The following TGFBR3 variants were observed in gnomAD, a reference collection of about 807,000 sequenced individuals.
TGFBR3 encodes the protein transforming growth factor beta receptor type 3.
A neutral mutation model predicts 87.9 loss-of-function variants in TGFBR3; 46 were observed. The observed-to-expected ratio is 0.52, with a 90% CI of 0.41 to 0.67. TGFBR3 has a LOEUF of 0.67. TGFBR3 is among the 30% of genes least tolerant of loss of function. The pLI is 0.00. For missense variants in TGFBR3, 866 were observed against 1,041.9 expected (o/e 0.83, Z 2.32); for synonymous variants, 381 against 391.6 (o/e 0.97, Z 0.32).
chr1:91,769,645 G>T (rs1295060586), intron 3 of TGFBR3, among the ~76,000 whole-genome samples: 3 of 144,604 alleles, frequency 2.1e-5, no homozygotes, highest in Admixed American at 2.1e-4. Flanking sequence ...TGTTTTTTTT[G>T]TTTTTTTTTT....
chr1:91,815,511 C>A (rs2101048212), intron 2 of TGFBR3, among the ~76,000 whole-genome samples: 1 of 152,158 alleles, frequency 6.6e-6, no homozygotes, highest in Admixed American at 6.5e-5. Flanking sequence ...TCACTACCCA[C>A]TTTACGTTAC....
chr1:91,682,518 T>C lies in TGFBR3; in HGVS notation c.*1221A>G. The C allele has an allele frequency of 2.2e-6, 1 of 453,520 alleles. No homozygotes were observed. The highest frequency in any genetic ancestry group is 1.6e-5 in the South Asian group (1 of 64,424). 28.1% of individuals were successfully genotyped at this position (453,520 alleles called of 1,614,324 possible). On this transcript the variant is annotated 3_prime_UTR_variant, in exon 17 of 17. Coordinates refer to ENST00000212355, the MANE Select transcript of TGFBR3 (RefSeq NM_003243.5). Reference sequence around the variant, plus strand: ...TCACCTCAAGCCCTTTTTGACATATTAAATATATGGGATATATTTAAGGCA... The same window carrying C: ...TCACCTCAAGCCCTTTTTGACATATCAAATATATGGGATATATTTAAGGCA...
Position 91,734,851 on chromosome 1 carries a change from G to C in TGFBR3, c.493C>G (p.Arg165Gly), listed in dbSNP as rs1364305059. The C allele has an allele frequency of 6.2e-7, 1 of 1,613,904 alleles. No homozygotes were observed. The highest frequency in any genetic ancestry group is 1.1e-5 in the South Asian group (1 of 91,080). Reference sequence around the variant, plus strand: ...GAAGTAACTGCTCCATACTCTTTTCGGGCCCAATTTAACAGATGTTCATTT... The same window carrying C: ...GAAGTAACTGCTCCATACTCTTTTCCGGCCCAATTTAACAGATGTTCATTT... ...HGNEHLLNWA[R>G]KEYGAVTSFT... is the part of the protein sequence containing the mutation. The change falls in exon 5 of 17, where the codon CGA becomes GGA. Residue 165 changes from arginine to glycine, a missense_variant. Arg to Gly is a moderately radical substitution (Grantham distance 125, BLOSUM62 -2). Transcript: ENST00000212355.
chr1:91,850,080 C>CAAAA (rs376631972), intron 2 of TGFBR3, among the ~76,000 whole-genome samples: 280 of 49,942 alleles, frequency 5.6e-3, no homozygotes, highest in Non-Finnish European at 8.2e-3. Context: ...GACTCCATCT[C>CAAAA]AAAAAAAAAA....
In TGFBR3 at chr1:91,699,657, GA is replaced by G. The variant is rs17878958; in HGVS notation, c.2288-1528del. ...TTGCACCAGTGCCATGAAGAAGGCA[GA>G]AAAAAATTTTGTATCACTGTTTTGG... On this transcript the variant is annotated intron_variant, in intron 14 of 16. Coordinates refer to ENST00000212355, the MANE Select transcript of TGFBR3 (RefSeq NM_003243.5). Among the ~76,000 whole-genome samples the G allele has an allele frequency of 3.7e-3, 557 of 152,218 alleles. 8 individuals carry two copies. The highest frequency in any genetic ancestry group is 0.02 in the Admixed American group (310 of 15,292).
chr1:91,695,072 G>A (rs1557661014), intron 16 of TGFBR3, among the ~76,000 whole-genome samples: 2 of 151,830 alleles, frequency 1.3e-5, no homozygotes, highest in South Asian at 2.1e-4. Flanking sequence ...TGAAGATTGA[G>A]GGATAATAGC....
chr1:91,759,377 C>T (rs1673871348), intron 3 of TGFBR3, among the ~76,000 whole-genome samples: 1 of 134,702 alleles, frequency 7.4e-6, no homozygotes, highest in African/African-American at 2.8e-5. Flanking sequence ...TGTATACAGC[C>T]CCTGTCAAAA....
At chr1:91,798,515 CA>C (rs1374739504) in intron 2 of TGFBR3, among the ~76,000 whole-genome samples, 1 of 152,140 alleles carries the variant, frequency 6.6e-6, no homozygotes, top group Non-Finnish European at 1.5e-5. Flanking sequence ...TTCCTTTACC[CA>C]AATTCCTCTT....
At chr1:91,701,333 C>T (rs1424269607) in intron 14 of TGFBR3, among the ~76,000 whole-genome samples, 3 of 151,988 alleles carry the variant, frequency 2.0e-5, no homozygotes, top group African/African-American at 4.8e-5. Context: ...TCCCGAATCC[C>T]TAAGAACCCC....
rs971803589 is a variant in TGFBR3, at chr1:91,787,917, G to A, written c.246+9370C>T. Among the ~76,000 whole-genome samples the A allele has an allele frequency of 5.4e-5, 8 of 147,704 alleles. No individual in the cohort carries two copies. The South Asian group carries it at 8.4e-4, about 16-fold the overall frequency. On this transcript the variant is annotated intron_variant, in intron 3 of 16. Transcript: ENST00000212355. ...CGCACCACTATACTCCAGCCTGGGC[G>A]ACAGAGCCAGACCCTGTCTCACGGG...
At chr1:91,897,889 A>G (rs1679584101) in intron 2 of TGFBR3, among the ~76,000 whole-genome samples, 1 of 152,112 alleles carries the variant, frequency 6.6e-6, no homozygotes, top group African/African-American at 2.4e-5. Context: ...TCTTTCCTAT[A>G]AGAAATAAAA....
In TGFBR3 at chr1:91,794,045, G is replaced by C. The variant is rs930460845; in HGVS notation, c.246+3242C>G. On this transcript the variant is annotated intron_variant, in intron 3 of 16. Coordinates refer to ENST00000212355, the MANE Select transcript of TGFBR3 (RefSeq NM_003243.5). The stretch of plus-strand genomic sequence containing the variant: ...CAACGTAAACTTTATAGACTAATTA[G>C]CATGTCAGCAGGTCAAACGGTTTTT... 2.6e-5 allele frequency among the ~76,000 whole-genome samples: 4 copies of C among 152,268 alleles called. No individual in the cohort carries two copies. In the East Asian group the frequency reaches 7.7e-4, roughly 29 times the overall value.
chr1:91,707,242 T>A (rs1671828703), intron 14 of TGFBR3, among the ~76,000 whole-genome samples: 2 of 152,176 alleles, frequency 1.3e-5, no homozygotes, highest in South Asian at 4.1e-4. Context: ...AAGCAGTGCC[T>A]TAGGCTCCCA....
chr1:91,853,756 G>A (rs1410107398), intron 2 of TGFBR3, among the ~76,000 whole-genome samples: 9 of 152,218 alleles, frequency 5.9e-5, no homozygotes, highest in Admixed American at 2.6e-4. Context: ...GCTCAGGCCT[G>A]TAATCCCAGA....
chr1:91,685,315 CT>C lies in TGFBR3; in HGVS notation c.2438-1459del, dbSNP rs71585124. ...TTCCTGAGAAGCGGAGAAGCACTGC[CT>C]TTTTTTTTTTTTTTTTTTTTTTGTG... On this transcript the variant is annotated intron_variant, in intron 16 of 16. Coordinates refer to ENST00000212355, the MANE Select transcript of TGFBR3 (RefSeq NM_003243.5). Among the ~76,000 whole-genome samples the C allele has an allele frequency of 2.3e-3, 229 of 100,670 alleles. 2 individuals are homozygous for C. The highest frequency in any genetic ancestry group is 6.3e-3 in the African/African-American group (154 of 24,358). The allele number at this position is 100,670 out of a possible 152,430, so 66.0% of individuals were successfully genotyped here.
At chr1:91,752,615 G>A (rs546767338) in intron 4 of TGFBR3, among the ~76,000 whole-genome samples, 3 of 152,200 alleles carry the variant, frequency 2.0e-5, no homozygotes, top group African/African-American at 7.2e-5. Flanking sequence ...GTTATTAAAA[G>A]CCAGGCACTA....
chr1:91,860,571 T>A (rs1388899087), intron 2 of TGFBR3, among the ~76,000 whole-genome samples: 1 of 152,132 alleles, frequency 6.6e-6, no homozygotes, highest in Non-Finnish European at 1.5e-5. Context: ...GATCCGATAC[T>A]CTTAGTTAAG....
intron 2 of TGFBR3, among the ~76,000 whole-genome samples, chr1:91,819,481 A>C (rs1445368432): frequency 6.6e-6 from 1 of 152,164 alleles, no homozygotes; most frequent in Non-Finnish European, 1.5e-5. Flanking sequence ...CCCACATAGA[A>C]ATTACAACTC....
rs148692081 is a variant in TGFBR3, at chr1:91,686,061, G to T, written c.2438-2204C>A. ...TTTTTGGCTCACCTGGGCTTTGTTT[G>T]CTCAGCCCAACAGCAGGTAAAAGAG... On this transcript the variant is annotated intron_variant, in intron 16 of 16. Coordinates refer to ENST00000212355, the MANE Select transcript of TGFBR3 (RefSeq NM_003243.5). Among the ~76,000 whole-genome samples, 111 of 152,220 alleles carry T rather than the reference G, an allele frequency of 7.3e-4. No individual in the cohort carries two copies. In the East Asian group the frequency reaches 0.013, roughly 17 times the overall value.
Sources: gnomAD v4.1 joint callset for allele counts (sites outside exome capture counted in the v4.1 genomes callset) on GRCh38, gnomAD v4.1.1 for gene constraint, MANE v1.5 for transcripts, NCBI Gene and HGNC (gene_info 2026-07-23, HGNC 2026-07-21) for gene names.